Variants in C6 observed in about 807,000 individuals in gnomAD.
C6 encodes the protein complement component C6.
In C6, 101 loss-of-function variants were observed where a neutral mutation model predicts 112.9. That is an observed-to-expected ratio of 0.89 (90% CI 0.76 to 1.06). The LOEUF is 1.06. Among genes scored for constraint, C6 ranks in the 50% least tolerant of loss-of-function variants. The pLI, the probability that C6 is intolerant of heterozygous loss-of-function variation, is 0.00. For missense variants in C6, 1,202 were observed against 1,104.6 expected (o/e 1.09, Z -1.25); for synonymous variants, 431 against 384.1 (o/e 1.12, Z -1.43).
chr5:41,153,762 C>G, intron 15 of C6, 48 bp downstream of exon 15: 1 of 1,397,030 alleles, frequency 7.2e-7, no homozygotes, highest in Admixed American at 1.7e-5. Context: ...CTACCAATCT[C>G]AGGGTGCACC....
chr5:41,201,735 T>A, intron 2 of C6, 21 bp from the exon 3 acceptor site: 1 of 1,606,906 alleles, frequency 6.2e-7, no homozygotes, highest in Non-Finnish European at 8.5e-7. Context: ...GAAGAAGAAG[T>A]TGCTTAGAAT....
intron 1 of C6, among the ~76,000 whole-genome samples, chr5:41,222,299 A>T (rs1322571743): frequency 6.6e-6 from 1 of 152,094 alleles, no homozygotes; most frequent in East Asian, 1.9e-4. Context: ...TAAATAAATT[A>T]TATTGAAATT....
rs535233220 is a variant in C6, at chr5:41,227,565, TC to T, written c.-20-24316del. Among the ~76,000 whole-genome samples the T allele has an allele frequency of 4.0e-4, 61 of 152,222 alleles. 1 individual carries two copies. Among genetic ancestry groups the T allele is most frequent in the African/African-American group, 1.4e-3 (58 of 41,556 alleles). ...TCATGGAACTTACCCCATGATTTCTTCCGGTAGTTTTATAGTTTCAGAGTTT... is the reference window on the plus strand; with the variant it reads ...TCATGGAACTTACCCCATGATTTCTTCGGTAGTTTTATAGTTTCAGAGTTT... On this transcript the variant is annotated intron_variant, in intron 1 of 17. Transcript: ENST00000263413.
chr5:41,186,055 G>A lies in C6; in HGVS notation c.726+15C>T. 2 of 1,613,784 alleles carry A rather than the reference G, an allele frequency of 1.2e-6. No homozygotes were observed. Among genetic ancestry groups the A allele is most frequent in the Non-Finnish European group, 8.5e-7 (1 of 1,179,808 alleles). On this transcript the variant is annotated intron_variant, in intron 6 of 17. Coordinates refer to ENST00000337836, the MANE Select transcript of C6 (RefSeq NM_000065.5). ...CTGACGGTGTTGGAGTTGCCACCATGCTAGGCTGTCATACCTCAAAGCCGA... is the reference window on the plus strand; with the variant it reads ...CTGACGGTGTTGGAGTTGCCACCATACTAGGCTGTCATACCTCAAAGCCGA...
At chr5:41,145,867 T>C (rs1223938131) in intron 17 of C6, among the ~76,000 whole-genome samples, 2 of 152,176 alleles carry the variant, frequency 1.3e-5, no homozygotes. Context: ...ACCCTTTTAG[T>C]ATGGATATAG....
chr5:41,178,062 C>T (rs1156850853), intron 7 of C6, among the ~76,000 whole-genome samples: 3 of 152,104 alleles, frequency 2.0e-5, no homozygotes, highest in Admixed American at 6.6e-5. Context: ...ACTTTGGTAG[C>T]TCAACTTAGC....
chr5:41,246,245 T>G (rs939480347), intron 1 of C6, among the ~76,000 whole-genome samples: 11 of 152,168 alleles, frequency 7.2e-5, no homozygotes, highest in African/African-American at 2.7e-4. Context: ...TTGGCTTCTT[T>G]GCTGTTAGAT....
intron 1 of C6, chr5:41,203,510 C>G (rs1751196306): frequency 9.3e-6 from 4 of 431,944 alleles, no homozygotes; most frequent in South Asian, 8.5e-5. Flanking sequence ...GGCTACAAGA[C>G]AAAGTATGTA....
At chr5:41,214,587 T>G (rs778114273), upstream of C6, among the ~76,000 whole-genome samples, 1 of 152,182 alleles carries the variant, frequency 6.6e-6, no homozygotes, top group South Asian at 2.1e-4. Flanking sequence ...CAGACCAGTG[T>G]TGAAGCTAGT....
chr5:41,160,276 T>A lies in C6; in HGVS notation c.1550A>T (p.Lys517Met). 1 of 1,613,940 alleles carries A rather than the reference T, an allele frequency of 6.2e-7. No homozygotes were observed. The highest frequency in any genetic ancestry group is 8.5e-7 in the Non-Finnish European group (1 of 1,179,864). Residue 517 changes from lysine to methionine, a missense_variant, in exon 11 of 18, where the codon AAG becomes ATG. Physicochemically the swap from Lys to Met is moderately conservative, Grantham distance 95. Coordinates refer to ENST00000337836, the MANE Select transcript of C6 (RefSeq NM_000065.5). Reference protein sequence around the residue: ...LRKALQEYAAKFDPCQCAPCP... With the variant: ...LRKALQEYAAMFDPCQCAPCP... ...TGGAGCACACTGGCAAGGATCGAACTTGGCTGCATACTCTTGCAAAGCTTT... is the reference window on the plus strand; with the variant it reads ...TGGAGCACACTGGCAAGGATCGAACATGGCTGCATACTCTTGCAAAGCTTT...
At chr5:41,178,555 A>G (rs1304588371) in intron 7 of C6, among the ~76,000 whole-genome samples, 1 of 132,104 alleles carries the variant, frequency 7.6e-6, no homozygotes, top group Non-Finnish European at 1.5e-5. Context: ...GGCTCATTGC[A>G]ACCTTTGCCT....
chr5:41,212,770 C>A (rs1257120991), intron 1 of C6: 1 of 152,166 alleles, frequency 6.6e-6, no homozygotes, highest in Non-Finnish European at 1.5e-5. Flanking sequence ...AATCAGTGAT[C>A]CCATTGAACC....
Position 41,149,435 on chromosome 5 carries a change from T to C in C6, c.2429A>G (p.Tyr810Cys). Residue 810 changes from tyrosine to cysteine, a missense_variant, in exon 17 of 18, where the codon TAC becomes TGC. Tyr to Cys is a radical substitution (Grantham distance 194, BLOSUM62 -2). Transcript: ENST00000337836. ...AAACTTACAAGCGGGTGAAGTAAAG[T>C]AATCGTTGGAGTCTGTGTCAAACAC... is the stretch of plus-strand genomic sequence containing the variant. ...LCVFDTDSND[Y>C]FTSPACKFLA... 6 of 1,614,018 alleles carry C rather than the reference T, an allele frequency of 3.7e-6. No homozygotes were observed. Among genetic ancestry groups the C allele is most frequent in the Non-Finnish European group, 5.1e-6 (6 of 1,179,950 alleles).
At chr5:41,188,560 T>A (rs1749961735) in intron 5 of C6, among the ~76,000 whole-genome samples, 1 of 152,052 alleles carries the variant, frequency 6.6e-6, no homozygotes, top group South Asian at 2.1e-4. Context: ...AATGACCTAA[T>A]GGTTATATTG....
chr5:41,243,806 G>T (rs1163618603), intron 1 of C6, among the ~76,000 whole-genome samples: 3 of 152,038 alleles, frequency 2.0e-5, no homozygotes, highest in Non-Finnish European at 4.4e-5. Flanking sequence ...ATGATGCTAA[G>T]TAGCACTCAA....
chr5:41,153,913 C>A lies in C6; in HGVS notation c.2187G>T (p.Glu729Asp), dbSNP rs1417579677. 1 of 1,613,738 alleles carries A rather than the reference C, an allele frequency of 6.2e-7. No homozygotes were observed. ...CAACAAAGCCTTTGGGGCAAGTTAG[C>A]TCAATGGATTCACCAATTCTATACA... ...QRLYRIGESI[E>D]LTCPKGFVVA... is the part of the protein sequence containing the mutation. Residue 729 changes from glutamate (E) to aspartate (D), a missense_variant, in exon 15 of 18, where the codon GAG (glutamate) becomes GAT (aspartate). Transcript: ENST00000337836.
chr5:41,204,601 A>G (rs1751279378), intron 1 of C6, among the ~76,000 whole-genome samples: 1 of 152,038 alleles, frequency 6.6e-6, no homozygotes, highest in African/African-American at 2.4e-5. Flanking sequence ...TCAGATATAA[A>G]AATTGTTTTT....
intron 1 of C6, among the ~76,000 whole-genome samples, chr5:41,209,648 C>T (rs1351462668): frequency 2.0e-5 from 3 of 152,206 alleles, no homozygotes; most frequent in African/African-American, 7.2e-5. Context: ...ACCTAGGAAT[C>T]CAACTTACAA....
rs752930642 is a variant in C6, at chr5:41,149,438, T to G, written c.2426A>C (p.Asp809Ala). The change falls in exon 17 of 18, where the codon GAT becomes GCT. Residue 809 changes from aspartate (D) to alanine (A), a missense_variant. By Grantham distance (126) the Asp-to-Ala change is moderately radical. Coordinates refer to ENST00000337836, the MANE Select transcript of C6 (RefSeq NM_000065.5). Reference sequence around the variant, plus strand: ...CTTACAAGCGGGTGAAGTAAAGTAATCGTTGGAGTCTGTGTCAAACACACA... The same window carrying G: ...CTTACAAGCGGGTGAAGTAAAGTAAGCGTTGGAGTCTGTGTCAAACACACA... ...DLCVFDTDSN[D>A]YFTSPACKFL... 2 of 1,613,954 alleles carry G rather than the reference T, an allele frequency of 1.2e-6. No homozygotes were observed.
Sources: allele counts gnomAD v4.1 joint callset (sites outside exome capture counted in the v4.1 genomes callset), GRCh38; gene constraint gnomAD v4.1.1; transcripts MANE v1.5; gene names NCBI Gene and HGNC (gene_info 2026-07-23, HGNC 2026-07-21).